DENND1B: variants seen among roughly 807,000 people sequenced by gnomAD.
DENND1B encodes the protein DENN domain containing 1B.
Under a neutral mutation model 90.1 loss-of-function variants are expected in DENND1B, and 59 were observed. The observed-to-expected ratio is 0.65, with a 90% confidence interval of 0.53 to 0.81. The LOEUF (loss-of-function observed/expected upper bound fraction) is 0.81. Among genes scored for constraint, DENND1B ranks in the 40% least tolerant of loss-of-function variants. The pLI is 0.00. For missense variants in DENND1B, 862 were observed against 912.6 expected, an observed-to-expected ratio of 0.94 and a Z score of 0.71; for synonymous variants, 337 against 324.6, an observed-to-expected ratio of 1.04 and a Z score of -0.41.
chr1:197,723,067 A>C (rs939410837), intron 2 of DENND1B, among the ~76,000 whole-genome samples: 2 of 152,220 alleles, frequency 1.3e-5, no homozygotes, highest in African/African-American at 4.8e-5. Context: ...AAGATGTAAA[A>C]TCAGCATCAC....
intron 10 of DENND1B, among the ~76,000 whole-genome samples, chr1:197,623,645 C>G (rs1036628719): frequency 4.0e-5 from 6 of 151,314 alleles, no homozygotes; most frequent in African/African-American, 7.3e-5. Flanking sequence ...CAGAAATGTC[C>G]CATGTTCTCC....
intron 10 of DENND1B, among the ~76,000 whole-genome samples, chr1:197,638,677 T>G (rs1434968245): frequency 6.6e-6 from 1 of 152,188 alleles, no homozygotes; most frequent in African/African-American, 2.4e-5. Flanking sequence ...AATATCATGA[T>G]TTATGCCTCT....
chr1:197,675,543 GCTAA>G (rs1227539717), intron 3 of DENND1B, among the ~76,000 whole-genome samples: 6 of 152,128 alleles, frequency 3.9e-5, no homozygotes, highest in Non-Finnish European at 5.9e-5. Flanking sequence ...TTAAGCGAAA[GCTAA>G]CTGTTTCACC....
intron 3 of DENND1B, among the ~76,000 whole-genome samples, chr1:197,695,948 A>C (rs11803914): frequency 1.3e-5 from 2 of 151,496 alleles, no homozygotes; most frequent in East Asian, 1.9e-4. Flanking sequence ...ATAATACAAA[A>C]TTTTTTAAAT....
rs916322042 is a variant in DENND1B, at chr1:197,504,962, T to A, written c.*5498A>T. On this transcript the variant is annotated 3_prime_UTR_variant, in exon 23 of 23. Transcript: ENST00000620048. ...AAGTAAAATCACAATTCTGGGTAGG[T>A]TTTTACAGATATCTGCTACCAAGAC... 7 of 151,650 alleles carry A rather than the reference T, an allele frequency of 4.6e-5. No homozygotes were observed. The East Asian group carries it at 1.4e-3, about 29-fold the overall frequency. 9.4% of individuals were successfully genotyped at this position (151,650 alleles called of 1,614,324 possible). A position where few individuals can be genotyped will look rare whatever the true frequency, so the allele number is the denominator to read the frequency against.
At chr1:197,554,281 T>G (rs1422100371) in intron 15 of DENND1B, among the ~76,000 whole-genome samples, 3 of 151,990 alleles carry the variant, frequency 2.0e-5, no homozygotes, top group Admixed American at 6.6e-5. Flanking sequence ...AGGCAGGGGA[T>G]AACATAGGAA....
chr1:197,730,735 A>G (rs1446249141), intron 2 of DENND1B, among the ~76,000 whole-genome samples: 1 of 152,060 alleles, frequency 6.6e-6, no homozygotes, highest in South Asian at 2.1e-4. Flanking sequence ...AATTAATCCT[A>G]ATTTTGCAGA....
In DENND1B at chr1:197,658,329, T is replaced by A. The variant is rs1436538156; in HGVS notation, c.337A>T (p.Thr113Ser). ...WFEVYYKLLN[T>S]LADYLAKELE... ...TCCTTAGCCAAGTAATCTGCAAGAG[T>A]ATTTAGAAGCTTGTAATACACTTCA... The change falls in exon 6 of 23, where the codon ACT becomes TCT. Residue 113 changes from threonine (T) to serine (S), a missense_variant. Transcript: ENST00000620048. 1 of 1,610,556 alleles carries A rather than the reference T, an allele frequency of 6.2e-7. No homozygotes were observed. The highest frequency in any genetic ancestry group is 8.5e-7 in the Non-Finnish European group (1 of 1,178,122).
chr1:197,554,100 TACACACACACACACACACACACAC>T (rs4026509), intron 15 of DENND1B, among the ~76,000 whole-genome samples: 1 of 139,986 alleles, frequency 7.1e-6, no homozygotes, highest in Non-Finnish European at 1.5e-5. Context: ...TCAATGATTA[TACACACACACACACACACACACAC>T]ACACACACAC....
intron 2 of DENND1B, among the ~76,000 whole-genome samples, chr1:197,724,652 T>C (rs1573100): frequency 0.3 from 46,180 of 152,020 alleles, 7,248 homozygotes; most frequent in Middle Eastern, 0.38. Context: ...AGAATGGAAT[T>C]AAGATACTAA....
At chr1:197,771,873 G>T (rs1656661766) in intron 2 of DENND1B, among the ~76,000 whole-genome samples, 1 of 152,114 alleles carries the variant, frequency 6.6e-6, no homozygotes, top group Non-Finnish European at 1.5e-5. Flanking sequence ...AAATAGGCAA[G>T]AAAAGAATTC....
chr1:197,765,443 C>T (rs2102478895), intron 2 of DENND1B, among the ~76,000 whole-genome samples: 1 of 152,238 alleles, frequency 6.6e-6, no homozygotes, highest in African/African-American at 2.4e-5. Context: ...TATATGAACA[C>T]TTTAAAATGT....
rs541331851 is a variant in DENND1B at position 197,767,125 on chromosome 1, A to G, written c.82+5743T>C. On this transcript the variant is annotated intron_variant, in intron 2 of 22. Transcript: ENST00000620048. ...TCTTTTATTCATTCTGTAAATATTC[A>G]TTAAACATGTCAGATGTGTTAAGTT... Among the ~76,000 whole-genome samples, 88 of 152,134 alleles carry G rather than the reference A, an allele frequency of 5.8e-4. 2 individuals are homozygous for G. The South Asian group carries it at 0.018, about 31-fold the overall frequency.
intron 2 of DENND1B, chr1:197,734,987 A>G (rs1316372837): frequency 2.0e-6 from 2 of 985,624 alleles, no homozygotes; most frequent in Non-Finnish European, 2.4e-6. Context: ...AACACAGTGG[A>G]TAAGTAAGAA....
At chr1:197,589,469 G>T (rs919052383) in intron 14 of DENND1B, among the ~76,000 whole-genome samples, 4 of 152,126 alleles carry the variant, frequency 2.6e-5, no homozygotes, top group Non-Finnish European at 4.4e-5. Flanking sequence ...GACATGAAAG[G>T]ATGTGTAAAA....
chr1:197,540,435 GATA>G (rs1299779557), intron 19 of DENND1B, among the ~76,000 whole-genome samples: 1 of 151,914 alleles, frequency 6.6e-6, no homozygotes, highest in Non-Finnish European at 1.5e-5. Flanking sequence ...AAACATAACT[GATA>G]ATAAAATCTG....
intron 5 of DENND1B, 104 bp downstream of exon 5, chr1:197,671,933 T>G (rs1655547784): frequency 1.7e-6 from 2 of 1,185,718 alleles, no homozygotes; most frequent in Admixed American, 6.5e-5. Flanking sequence ...TTTTTCAACT[T>G]GTTTTTAAAG....
intron 10 of DENND1B, among the ~76,000 whole-genome samples, chr1:197,635,608 G>C (rs1404631094): frequency 6.6e-6 from 1 of 152,146 alleles, no homozygotes; most frequent in East Asian, 1.9e-4. Context: ...AAAGTGCTGG[G>C]ATTACAGGCA....
At chr1:197,779,577 T>C (rs1157394312), upstream of DENND1B, among the ~76,000 whole-genome samples, 5 of 152,072 alleles carry the variant, frequency 3.3e-5, no homozygotes, top group Admixed American at 1.3e-4. Context: ...TCTCTTTATC[T>C]GTCTACGCTG....
Sources: allele counts gnomAD v4.1 joint callset (sites outside exome capture counted in the v4.1 genomes callset), GRCh38; gene constraint gnomAD v4.1.1; transcripts MANE v1.5; gene names NCBI Gene and HGNC (gene_info 2026-07-23, HGNC 2026-07-21).